The following BMPER variants were observed in gnomAD, a reference collection of about 807,000 sequenced individuals.
BMPER encodes the protein BMP-binding endothelial regulator protein.
Under a neutral mutation model 87.3 loss-of-function variants are expected in BMPER, and 45 were observed. That is an observed-to-expected ratio of 0.52 (90% CI 0.41 to 0.66). The LOEUF is 0.66. Among genes scored for constraint, BMPER ranks in the 30% least tolerant of loss-of-function variants. The pLI, the probability that BMPER is intolerant of heterozygous loss-of-function variation, is 0.00. For missense variants in BMPER, 784 were observed against 867.5 expected (o/e 0.90, Z 1.21); for synonymous variants, 326 against 316.2 (o/e 1.03, Z -0.33).
At position 34,121,609 on chromosome 7, in the gene BMPER, T is replaced by C. The variant is rs567894759; in HGVS notation, c.1746-21621T>C. Among the ~76,000 whole-genome samples, 238 of 152,328 alleles carry C rather than the reference T, an allele frequency of 1.6e-3. 2 individuals carry two copies. The highest frequency in any genetic ancestry group is 2.8e-3 in the Non-Finnish European group (188 of 68,024). On this transcript the variant is annotated intron_variant, in intron 13 of 14. Transcript: ENST00000649409. The stretch of plus-strand genomic sequence containing the variant: ...GAAAGGGTTACAGAGACAGTTTTCA[T>C]TGGGAGAAGCTTGCGTATGAGGATG...
chr7:34,045,869 A>G (rs1270870401), intron 6 of BMPER, among the ~76,000 whole-genome samples: 1 of 152,124 alleles, frequency 6.6e-6, no homozygotes, highest in Admixed American at 6.5e-5. Flanking sequence ...AAAATGCCAA[A>G]GCGTTCCTTT....
intron 13 of BMPER, among the ~76,000 whole-genome samples, chr7:34,129,450 G>A (rs996246803): frequency 1.3e-5 from 2 of 151,578 alleles, no homozygotes; most frequent in South Asian, 2.1e-4. Flanking sequence ...GCAGTGAGCC[G>A]AGATTGTGCC....
intron 13 of BMPER, among the ~76,000 whole-genome samples, chr7:34,115,494 T>G (rs188483396): frequency 6.6e-6 from 1 of 152,350 alleles, no homozygotes; most frequent in East Asian, 1.9e-4. Flanking sequence ...GTAATCACTC[T>G]CCTTTTCCAC....
At chr7:33,914,535 C>T (rs1038934909) in intron 2 of BMPER, among the ~76,000 whole-genome samples, 13 of 152,102 alleles carry the variant, frequency 8.5e-5, no homozygotes, top group African/African-American at 2.9e-4. Flanking sequence ...ATGTGTTGGG[C>T]TTGATAGACC....
intron 13 of BMPER, among the ~76,000 whole-genome samples, chr7:34,105,796 A>G (rs972596303): frequency 1.3e-5 from 2 of 152,188 alleles, no homozygotes; most frequent in African/African-American, 2.4e-5. Context: ...AACATGGCCC[A>G]TGAGTTGGAG....
At chr7:33,931,862 G>T (rs569309273) in intron 2 of BMPER, among the ~76,000 whole-genome samples, 2 of 152,306 alleles carry the variant, frequency 1.3e-5, no homozygotes, top group East Asian at 3.9e-4. Flanking sequence ...TGTCCTATTT[G>T]TGCTCAGCAA....
At position 33,935,197 on chromosome 7, in the gene BMPER, G is replaced by T. The variant is rs78147252; in HGVS notation, c.220-2092G>T. Among the ~76,000 whole-genome samples, 1,005 of 152,290 alleles carry T rather than the reference G, an allele frequency of 6.6e-3. 9 individuals are homozygous for T. The highest frequency in any genetic ancestry group is 0.023 in the African/African-American group (958 of 41,562). On this transcript the variant is annotated intron_variant, in intron 2 of 14. Coordinates refer to ENST00000649409, the MANE Select transcript of BMPER (RefSeq NM_001365308.1). ...CCACCATTATCATGGAGAAAAGGGGGTGAGGGAAGGAGTTCTGGGGAGCGT... is the reference window on the plus strand; with the variant it reads ...CCACCATTATCATGGAGAAAAGGGGTTGAGGGAAGGAGTTCTGGGGAGCGT...
intron 14 of BMPER, among the ~76,000 whole-genome samples, chr7:34,149,143 C>G (rs1351950551): frequency 2.0e-5 from 3 of 152,152 alleles, no homozygotes; most frequent in African/African-American, 4.8e-5. Context: ...TCGATACACT[C>G]TCTTCAACTG....
At chr7:33,936,429 T>G (rs1784604443) in intron 2 of BMPER, among the ~76,000 whole-genome samples, 1 of 152,180 alleles carries the variant, frequency 6.6e-6, no homozygotes, top group African/African-American at 2.4e-5. Context: ...AGCAGCAGTT[T>G]TCTTGTTTGC....
intron 13 of BMPER, among the ~76,000 whole-genome samples, chr7:34,140,164 C>G (rs1208592434): frequency 6.6e-6 from 1 of 152,164 alleles, no homozygotes; most frequent in Non-Finnish European, 1.5e-5. Context: ...GCTTCCGTAT[C>G]TATTAAATGG....
intron 12 of BMPER, among the ~76,000 whole-genome samples, chr7:34,084,396 CAGAG>C (rs1176635281): frequency 6.6e-6 from 1 of 152,124 alleles, no homozygotes; most frequent in African/African-American, 2.4e-5. Context: ...TCTTTGGAGA[CAGAG>C]AGTGAATTAG....
chr7:34,005,474 G>A (rs940638372), intron 6 of BMPER, among the ~76,000 whole-genome samples: 1 of 151,760 alleles, frequency 6.6e-6, no homozygotes, highest in Non-Finnish European at 1.5e-5. Context: ...TAGAGATGAT[G>A]TCTCACTTTG....
intron 9 of BMPER, among the ~76,000 whole-genome samples, chr7:34,056,204 T>C (rs982493098): frequency 6.6e-6 from 1 of 151,992 alleles, no homozygotes; most frequent in Non-Finnish European, 1.5e-5. Flanking sequence ...CATGTGGACA[T>C]GGGAGAGGAA....
intron 13 of BMPER, among the ~76,000 whole-genome samples, chr7:34,113,051 C>T (rs1790022616): frequency 6.6e-6 from 1 of 151,458 alleles, no homozygotes; most frequent in African/African-American, 2.4e-5. Context: ...AAATATATAT[C>T]AATATAATGT....
chr7:33,936,961 G>A (rs776730954), intron 2 of BMPER, among the ~76,000 whole-genome samples: 7 of 152,136 alleles, frequency 4.6e-5, no homozygotes, highest in African/African-American at 1.4e-4. Context: ...AAATATTATC[G>A]TTTCTGTAGT....
chr7:33,932,821 C>G (rs1214944542), intron 2 of BMPER, among the ~76,000 whole-genome samples: 2 of 152,100 alleles, frequency 1.3e-5, no homozygotes, highest in African/African-American at 4.8e-5. Flanking sequence ...AAAATACGTT[C>G]AAGACATTGG....
intron 12 of BMPER, among the ~76,000 whole-genome samples, chr7:34,084,965 C>T (rs1049161963): frequency 1.3e-5 from 2 of 152,226 alleles, no homozygotes; most frequent in Non-Finnish European, 1.5e-5. Flanking sequence ...CCTTGATGAA[C>T]CAGCAGTACT....
At chr7:34,084,672 G>A (rs1789150891) in intron 12 of BMPER, among the ~76,000 whole-genome samples, 1 of 152,156 alleles carries the variant, frequency 6.6e-6, no homozygotes, top group African/African-American at 2.4e-5. Flanking sequence ...TTTATGGGTG[G>A]TATCTTCACA....
chr7:34,021,855 A>C (rs1787197226), intron 6 of BMPER, among the ~76,000 whole-genome samples: 1 of 151,998 alleles, frequency 6.6e-6, no homozygotes, highest in Non-Finnish European at 1.5e-5. Flanking sequence ...ATATTTATTG[A>C]GTGCAACATG....
Sources: allele counts gnomAD v4.1 joint callset (sites outside exome capture counted in the v4.1 genomes callset), GRCh38; gene constraint gnomAD v4.1.1; transcripts MANE v1.5; gene names NCBI Gene and HGNC (gene_info 2026-07-23, HGNC 2026-07-21).